Variants in MUC4 observed in about 807,000 individuals in gnomAD.
The protein encoded by MUC4 is mucin 4, cell surface associated, also known as mucin-4.
In MUC4, 202 loss-of-function variants were observed where a neutral mutation model predicts 257.9. The observed-to-expected ratio is 0.78, with a 90% CI of 0.70 to 0.88. The LOEUF is 0.88. MUC4 is among the 40% of genes least tolerant of loss of function. MUC4 has a pLI of 0.00. For missense variants in MUC4, 5,976 were observed against 6,513.7 expected (o/e 0.92, Z 2.84); for synonymous variants, 2,351 against 2,757.1 (o/e 0.85, Z 4.62).
intron 7 of MUC4, among the ~76,000 whole-genome samples, chr3:195,767,588 C>CCATCACCATCACCATCACCAT (rs1281872532): frequency 9.2e-6 from 1 of 108,964 alleles, no homozygotes; most frequent in Non-Finnish European, 1.9e-5. Flanking sequence ...ACCACCATCA[C>CCATCACCATCACCATCACCAT]CACCACCACC....
chr3:195,798,485 T>C (rs767689485), intron 1 of MUC4, among the ~76,000 whole-genome samples: 1 of 152,086 alleles, frequency 6.6e-6, no homozygotes, highest in Non-Finnish European at 1.5e-5. Context: ...GGGCGGATCA[T>C]GAGGTCAGGA....
Position 195,762,203 on chromosome 3 carries a change from T to G in MUC4, c.14396A>C (p.Glu4799Ala), listed in dbSNP as rs769252214. The G allele has an allele frequency of 1.9e-6, 3 of 1,598,644 alleles. No homozygotes were observed. The highest frequency in any genetic ancestry group is 2.6e-6 in the Non-Finnish European group (3 of 1,172,986). The change falls in exon 14 of 25, where the codon GAG (glutamate) becomes GCG (alanine). Residue 4799 changes from glutamate (E) to alanine (A), a missense_variant. Around this residue, in one of 44 missense-constraint regions of MUC4, gnomAD observed 996 missense variants for 1,137.3 expected, o/e 0.88. Coordinates refer to ENST00000463781, the MANE Select transcript of MUC4 (RefSeq NM_018406.7). ...CCAGCCGTCGAAGCTGGCCGAGACC[T>G]CAGAGCCGTTGCGGCTCAGGAGGAC... ...TGVLLSRNGS[E>A]VSASFDGWAT...
Position 195,788,893 on chromosome 3 carries a change from G to T in MUC4, c.2687C>A (p.Ala896Asp). 1 of 1,613,748 alleles carries T rather than the reference G, an allele frequency of 6.2e-7. No individual in the cohort carries two copies. The highest frequency in any genetic ancestry group is 8.5e-7 in the Non-Finnish European group (1 of 1,179,794). The change falls in exon 2 of 25, where the codon GCC (alanine) becomes GAC (aspartate). Residue 896 changes from alanine (A) to aspartate (D), a missense_variant. Ala to Asp is a moderately radical substitution (Grantham distance 126). Coordinates refer to ENST00000463781, the MANE Select transcript of MUC4 (RefSeq NM_018406.7). Reference protein sequence around the residue: ...TGQSSPTSPSASPQETAAISR... With the variant: ...TGQSSPTSPSDSPQETAAISR... Reference sequence around the variant, plus strand: ...AATGGCGGCTGTCTCCTGAGGAGAGGCACTGGGAGAAGTTGGGCTTGACTG... The same window carrying T: ...AATGGCGGCTGTCTCCTGAGGAGAGTCACTGGGAGAAGTTGGGCTTGACTG...
In MUC4 at chr3:195,754,299, G is replaced by C. The variant is rs1717076314; in HGVS notation, c.15242C>G (p.Pro5081Arg). 6.2e-7 allele frequency: 1 copy of C among 1,613,632 alleles called. No individual in the cohort carries two copies. Among genetic ancestry groups the C allele is most frequent in the African/African-American group, 1.3e-5 (1 of 74,922 alleles). Reference protein sequence around the residue: ...CEGSEDACEEPCFPSVHCVPG... With the variant: ...CEGSEDACEERCFPSVHCVPG... The stretch of plus-strand genomic sequence containing the variant: ...AACGCAGTGGACACTCGGGAAGCAC[G>C]GCTCCTCACAGGCATCCTCGGAGCC... Residue 5081 changes from proline (P) to arginine (R), a missense_variant, in exon 19 of 25, where the codon CCG becomes CGG. Pro to Arg is a moderately radical substitution (Grantham distance 103). This residue lies in a region of MUC4 where 996 missense variants were observed against 1,137.3 expected (regional missense o/e 0.88). Coordinates refer to ENST00000463781, the MANE Select transcript of MUC4 (RefSeq NM_018406.7).
In MUC4 at chr3:195,789,128, T is replaced by A; in HGVS notation, c.2452A>T (p.Ser818Cys). 1 of 1,613,734 alleles carries A rather than the reference T, an allele frequency of 6.2e-7. No individual in the cohort carries two copies. Among genetic ancestry groups the A allele is most frequent in the Non-Finnish European group, 8.5e-7 (1 of 1,179,810 alleles). ...SGASGTTPSG[S>C]EGISTSGETT... ...TCTCCTGAGGTGGATATTCCTTCGC[T>A]TCCTGAAGGTGTTGTGCCACTCGCC... The change falls in exon 2 of 25, where the codon AGC (serine) becomes TGC (cysteine). Residue 818 changes from serine (S) to cysteine (C), a missense_variant. Transcript: ENST00000463781.
At chr3:195,778,005 G>T (rs1260521359) in intron 3 of MUC4, among the ~76,000 whole-genome samples, 1 of 152,082 alleles carries the variant, frequency 6.6e-6, no homozygotes, top group Non-Finnish European at 1.5e-5. Context: ...CCCCGGCTCT[G>T]CATTCCTTAG....
At chr3:195,792,665 T>C (rs1441558175) in intron 1 of MUC4, among the ~76,000 whole-genome samples, 2 of 152,218 alleles carry the variant, frequency 1.3e-5, no homozygotes, top group African/African-American at 2.4e-5. Context: ...CATTCTGTTA[T>C]AAAGATACAT....
chr3:195,753,708 A>C, intron 19 of MUC4: 1 of 192,244 alleles, frequency 5.2e-6, no homozygotes, highest in Non-Finnish European at 1.0e-5. Flanking sequence ...AGCGGGAGGA[A>C]CAGATGGCTG....
chr3:195,747,155 G>A lies in MUC4; in HGVS notation c.*21C>T, dbSNP rs756369387. The A allele has an allele frequency of 2.1e-5, 34 of 1,613,962 alleles. No individual in the cohort carries two copies. In the South Asian group the frequency reaches 3.5e-4, roughly 17 times the overall value. ...TAAGGATGAGGTGAGTCTTGAGGTA[G>A]CCTAGGCCACAGCTGCCCCTTCAAG... is the stretch of plus-strand genomic sequence containing the variant. On this transcript the variant is annotated 3_prime_UTR_variant, in exon 25 of 25. Coordinates refer to ENST00000463781, the MANE Select transcript of MUC4 (RefSeq NM_018406.7).
At chr3:195,754,191 C>G in intron 19 of MUC4, 22 bp downstream of exon 19, 1 of 1,601,736 alleles carries the variant, frequency 6.2e-7, no homozygotes, top group East Asian at 2.3e-5. Context: ...AGCGCCTGCT[C>G]CAGGCCCTGT....
intron 11 of MUC4, 88 bp downstream of exon 11, chr3:195,763,957 C>A: frequency 6.8e-7 from 1 of 1,476,258 alleles, no homozygotes; most frequent in South Asian, 1.3e-5. Context: ...CAGCTCTGCC[C>A]CTACTCCTTA....
At chr3:195,770,444 C>T (rs1165159153) in intron 5 of MUC4, 73 bp from the exon 6 acceptor site, 1 of 1,569,740 alleles carries the variant, frequency 6.4e-7, no homozygotes, top group Non-Finnish European at 8.7e-7. Context: ...CACTTTCTGC[C>T]TGAGGACCCT....
In MUC4 at chr3:195,790,909, A is replaced by G. The variant is rs1489234388; in HGVS notation, c.671T>C (p.Phe224Ser). ...LTHRTTSTPSFSPSVHNVTGT... is the reference protein window; with the variant it reads ...LTHRTTSTPSSSPSVHNVTGT... ...TGTCACATTGTGTACACTTGGAGAG[A>G]AAGAAGGAGTTGAAGTGGTTCTGTG... is the stretch of plus-strand genomic sequence containing the variant. Residue 224 changes from phenylalanine to serine, a missense_variant, in exon 2 of 25, where the codon TTC becomes TCC. Transcript: ENST00000463781. 1 of 1,613,308 alleles carries G rather than the reference A, an allele frequency of 6.2e-7. No individual in the cohort carries two copies. The highest frequency in any genetic ancestry group is 1.3e-5 in the African/African-American group (1 of 74,724).
chr3:195,753,121 G>A lies in MUC4; in HGVS notation c.15438C>T (p.Thr5146=). 1.2e-6 allele frequency: 2 copies of A among 1,612,470 alleles called. No individual in the cohort carries two copies. The highest frequency in any genetic ancestry group is 1.7e-6 in the Non-Finnish European group (2 of 1,179,454). Residue 5146 remains threonine (T), a synonymous_variant, in exon 20 of 25, where the codon ACC becomes ACT. Transcript: ENST00000463781. ...GGCTGTCAGTGAAGGCTGGGGGGCA[G>A]GTGCACATGGGCTGACAGCCCAGAG... ...SQTLGCQPMC[T]CPPAFTDSRC...
At position 195,763,427 on chromosome 3, in the gene MUC4, A is replaced by G; in HGVS notation, c.14253+6T>C. On this transcript the variant is annotated splice_donor_region_variant and intron_variant, in intron 12 of 24. Coordinates refer to ENST00000463781, the MANE Select transcript of MUC4 (RefSeq NM_018406.7). ...TGCAGGGAGGTTCCCGGCACCCCTC[A>G]CTCACCGTGACGGGGCCCAGGCTGC... The G allele has an allele frequency of 2.1e-6, 3 of 1,402,904 alleles. No homozygotes were observed. The highest frequency in any genetic ancestry group is 2.8e-6 in the Non-Finnish European group (3 of 1,074,494). 86.9% of individuals were successfully genotyped at this position (1,402,904 alleles called of 1,614,324 possible).
Position 195,771,771 on chromosome 3 carries a change from T to C in MUC4, c.13123A>G (p.Ile4375Val). The change falls in exon 5 of 25, where the codon ATT (isoleucine) becomes GTT (valine). Residue 4375 changes from isoleucine (I) to valine (V), a missense_variant. Transcript: ENST00000463781. ...GGGAGTGGGTTGGGGTAGGAGAAAATCTGGTAGTCTGACTCTGGGAAGATG... is the reference window on the plus strand; with the variant it reads ...GGGAGTGGGTTGGGGTAGGAGAAAACCTGGTAGTCTGACTCTGGGAAGATG... ...QIIFPESDYQIFSYPNPLPTG... is the reference protein window; with the variant it reads ...QIIFPESDYQVFSYPNPLPTG... 6.2e-7 allele frequency: 1 copy of C among 1,613,676 alleles called. No individual in the cohort carries two copies. Among genetic ancestry groups the C allele is most frequent in the Admixed American group, 1.7e-5 (1 of 59,986 alleles).
chr3:195,769,456 A>C, intron 6 of MUC4: 1 of 348,000 alleles, frequency 2.9e-6, no homozygotes, highest in Non-Finnish European at 5.4e-6. Context: ...GAAAGCTACC[A>C]GAACCTGAGA....
Position 195,787,286 on chromosome 3 carries a change from A to T in MUC4, c.4294T>A (p.Ser1432Thr). ...GAGGTGGCGTGATCTGTGGACACTG[A>T]GGAAGCGTCGGTGACAGGAAGAGGG... ...ATPLPVTDAS[S>T]VSTDHATSLP... The change falls in exon 2 of 25, where the codon TCA (serine) becomes ACA (threonine). Residue 1432 changes from serine (S) to threonine (T), a missense_variant. Coordinates refer to ENST00000463781, the MANE Select transcript of MUC4 (RefSeq NM_018406.7). 2.0e-6 allele frequency: 1 copy of T among 496,424 alleles called. No individual in the cohort carries two copies. Among genetic ancestry groups the T allele is most frequent in the Non-Finnish European group, 3.2e-6 (1 of 308,416 alleles). The allele number at this position is 496,424 out of a possible 1,614,324, so 30.8% of individuals were successfully genotyped here.
At chr3:195,770,685 T>C in intron 5 of MUC4, 1 of 460,220 alleles carries the variant, frequency 2.2e-6, no homozygotes, top group East Asian at 4.4e-5. Context: ...TACCTCCCCA[T>C]GCCTAATCTG....
Sources: gnomAD v4.1 joint callset for allele counts (sites outside exome capture counted in the v4.1 genomes callset) on GRCh38, gnomAD v4.1.1 for gene constraint, gnomAD v4.1.1 regional missense constraint, MANE v1.5 for transcripts, NCBI Gene and HGNC (gene_info 2026-07-23, HGNC 2026-07-21) for gene names.